BTBD9: variants seen among roughly 807,000 people sequenced by gnomAD.
The protein encoded by BTBD9 is BTB domain containing 9.
BTBD9 carries 49 observed loss-of-function variants against 64.3 expected under a neutral mutation model. The observed-to-expected ratio is 0.76, with a 90% CI of 0.61 to 0.97. The LOEUF is 0.97. BTBD9 is among the 50% of genes least tolerant of loss of function. BTBD9 has a pLI of 0.00. For synonymous variants in BTBD9, 260 were observed against 274.7 expected, an observed-to-expected ratio of 0.95 and a Z score of 0.53; for missense variants, 598 against 762.1, an observed-to-expected ratio of 0.78 and a Z score of 2.53.
Position 38,168,836 on chromosome 6 carries a change from C to T in BTBD9, c.*6149G>A. 6.6e-6 allele frequency: 1 copy of T among 152,260 alleles called. No homozygotes were observed. The highest frequency in any genetic ancestry group is 1.9e-4 in the East Asian group (1 of 5,200). 9.4% of individuals were successfully genotyped at this position (152,260 alleles called of 1,614,324 possible). A position where few individuals can be genotyped will look rare whatever the true frequency, so the allele number is the denominator to read the frequency against. On this transcript the variant is annotated 3_prime_UTR_variant, in exon 11 of 11. Transcript: ENST00000481247. ...GCAAAAGCAGCTCTTGGGCCGAGCTCCAGGCCTAGCCCTGAGGACCCCTGG... is the reference window on the plus strand; with the variant it reads ...GCAAAAGCAGCTCTTGGGCCGAGCTTCAGGCCTAGCCCTGAGGACCCCTGG...
intron 2 of BTBD9, among the ~76,000 whole-genome samples, chr6:38,597,332 A>G (rs1777077066): frequency 6.6e-6 from 1 of 152,210 alleles, no homozygotes; most frequent in African/African-American, 2.4e-5. Flanking sequence ...TCATGCATAA[A>G]TTATAACTCA....
chr6:38,260,392 T>C (rs1424470425), intron 8 of BTBD9, among the ~76,000 whole-genome samples: 1 of 152,240 alleles, frequency 6.6e-6, no homozygotes, highest in Non-Finnish European at 1.5e-5. Context: ...TCATATTCCC[T>C]ATCCTTCTAG....
chr6:38,381,258 G>A (rs1765920824), intron 6 of BTBD9, among the ~76,000 whole-genome samples: 1 of 152,012 alleles, frequency 6.6e-6, no homozygotes, highest in Non-Finnish European at 1.5e-5. Context: ...AAGGGCAAAG[G>A]AAGCCTGAAA....
At chr6:38,493,603 T>C (rs1057195197) in intron 6 of BTBD9, among the ~76,000 whole-genome samples, 2 of 152,242 alleles carry the variant, frequency 1.3e-5, no homozygotes, top group African/African-American at 4.8e-5. Flanking sequence ...AGGAGATTCC[T>C]GTCATTGCGA....
chr6:38,406,209 A>C (rs1767153164), intron 6 of BTBD9, among the ~76,000 whole-genome samples: 1 of 152,212 alleles, frequency 6.6e-6, no homozygotes, highest in Non-Finnish European at 1.5e-5. Context: ...TTTGGCTCCT[A>C]CACAAATCTA....
intron 4 of BTBD9, among the ~76,000 whole-genome samples, chr6:38,580,972 C>G (rs187281677): frequency 4.0e-4 from 61 of 152,310 alleles, no homozygotes; most frequent in African/African-American, 1.1e-3. Context: ...GTGGGCGGAT[C>G]ACCTGAGGTC....
chr6:38,254,263 T>C (rs1341144755), intron 9 of BTBD9, among the ~76,000 whole-genome samples: 1 of 151,824 alleles, frequency 6.6e-6, no homozygotes, highest in Non-Finnish European at 1.5e-5. Context: ...AACTGTTGTA[T>C]TAAGCCACGG....
chr6:38,451,137 C>T (rs1437358277), intron 6 of BTBD9, among the ~76,000 whole-genome samples: 1 of 152,130 alleles, frequency 6.6e-6, no homozygotes, highest in Non-Finnish European at 1.5e-5. Context: ...TACTTTGTAC[C>T]ACACCAACGG....
intron 6 of BTBD9, among the ~76,000 whole-genome samples, chr6:38,516,510 G>A (rs1199857844): frequency 5.9e-5 from 9 of 152,154 alleles, no homozygotes; most frequent in Admixed American, 1.3e-4. Context: ...CTACCTGGTC[G>A]CAGACTCTGT....
At chr6:38,544,366 TA>T (rs1379461161) in intron 6 of BTBD9, among the ~76,000 whole-genome samples, 4 of 151,994 alleles carry the variant, frequency 2.6e-5, no homozygotes, top group Non-Finnish European at 5.9e-5. Flanking sequence ...TAAAACTGAA[TA>T]AAAACATAAG....
intron 6 of BTBD9, among the ~76,000 whole-genome samples, chr6:38,512,653 C>A (rs1012061506): frequency 8.5e-5 from 13 of 152,170 alleles, no homozygotes; most frequent in African/African-American, 3.1e-4. Context: ...AACAAACACA[C>A]AAATAATTCT....
At chr6:38,360,902 G>A (rs1764927521) in intron 6 of BTBD9, among the ~76,000 whole-genome samples, 1 of 152,192 alleles carries the variant, frequency 6.6e-6, no homozygotes, top group Admixed American at 6.5e-5. Flanking sequence ...ATTTTAGCAA[G>A]TTTAAATGCT....
At chr6:38,214,598 G>A (rs1416779337) in intron 9 of BTBD9, among the ~76,000 whole-genome samples, 1 of 152,192 alleles carries the variant, frequency 6.6e-6, no homozygotes, top group Admixed American at 6.5e-5. Context: ...ACAGGGAGGA[G>A]GAGGCTGCAA....
chr6:38,586,854 G>C (rs918665006), intron 4 of BTBD9, among the ~76,000 whole-genome samples: 6 of 152,062 alleles, frequency 3.9e-5, no homozygotes, highest in African/African-American at 1.4e-4. Flanking sequence ...CCTGAGGTCA[G>C]GAGTTCAAGA....
chr6:38,557,724 A>G (rs13199048), intron 6 of BTBD9, among the ~76,000 whole-genome samples: 11,030 of 152,210 alleles, frequency 0.072, 893 homozygotes, highest in African/African-American at 0.2. Flanking sequence ...TTATAAACAA[A>G]GCTTCCCAAA....
intron 6 of BTBD9, among the ~76,000 whole-genome samples, chr6:38,471,579 T>G (rs891607120): frequency 6.6e-6 from 1 of 152,148 alleles, no homozygotes; most frequent in African/African-American, 2.4e-5. Context: ...AGGGATGAGT[T>G]CTCACTATGT....
chr6:38,240,235 T>G (rs887659705), intron 9 of BTBD9, among the ~76,000 whole-genome samples: 1 of 152,162 alleles, frequency 6.6e-6, no homozygotes, highest in Non-Finnish European at 1.5e-5. Flanking sequence ...CCCTACTGAG[T>G]CACTCAGAGA....
intron 2 of BTBD9, 45 bp from the exon 3 acceptor site, chr6:38,594,372 T>G: frequency 1.3e-6 from 2 of 1,524,828 alleles, no homozygotes; most frequent in Non-Finnish European, 1.8e-6. Context: ...TCAAATAGGA[T>G]TTGCTACAAA....
intron 6 of BTBD9, chr6:38,481,574 G>A (rs979917284): frequency 6.6e-6 from 1 of 152,224 alleles, no homozygotes; most frequent in African/African-American, 2.4e-5. Context: ...GGGAAGCGGG[G>A]CACATGAGGG....
Sources: gnomAD v4.1 joint callset for allele counts (sites outside exome capture counted in the v4.1 genomes callset) on GRCh38, gnomAD v4.1.1 for gene constraint, MANE v1.5 for transcripts, NCBI Gene and HGNC (gene_info 2026-07-23, HGNC 2026-07-21) for gene names.